MAS1: variants seen among roughly 807,000 people sequenced by gnomAD.
The protein encoded by MAS1 is proto-oncogene Mas.
For missense variants in MAS1, 387 were observed against 409.7 expected, an observed-to-expected ratio of 0.94 and a Z score of 0.48; for synonymous variants, 163 against 164.2, an observed-to-expected ratio of 0.99 and a Z score of 0.05.
rs1001035225 is a variant in MAS1 at position 159,910,850 on chromosome 6, T to G, written c.*2917T>G. The stretch of plus-strand genomic sequence containing the variant: ...CATTTGTCTTGCAGCCTGACCATCA[T>G]AGAGAGATTGGTCCAGATAGGAAGG... On this transcript the variant is annotated 3_prime_UTR_variant, in exon 3 of 3. Coordinates refer to ENST00000674077, the MANE Select transcript of MAS1 (RefSeq NM_002377.4). The G allele has an allele frequency of 6.6e-6, 1 of 152,266 alleles. No individual in the cohort carries two copies. The highest frequency in any genetic ancestry group is 6.5e-5 in the Admixed American group (1 of 15,286). 9.4% of individuals were successfully genotyped at this position (152,266 alleles called of 1,614,324 possible). A position where few individuals can be genotyped will look rare whatever the true frequency, so the allele number is the denominator to read the frequency against.
At position 159,917,256 on chromosome 6, in the gene MAS1, G is replaced by A. The variant is rs1230392362; in HGVS notation, c.*9323G>A. 3.9e-5 allele frequency among the ~76,000 whole-genome samples: 6 copies of A among 152,202 alleles called. No homozygotes were observed. The highest frequency in any genetic ancestry group is 1.4e-4 in the African/African-American group (6 of 41,446). On this transcript the variant is annotated 3_prime_UTR_variant, in exon 3 of 3. Coordinates refer to ENST00000674077, the MANE Select transcript of MAS1 (RefSeq NM_002377.4). Reference sequence around the variant, plus strand: ...GATTGGTGTAAAGTGGAGAAATTCTGTTTTGGATTAATCACAAGGAGATTT... The same window carrying A: ...GATTGGTGTAAAGTGGAGAAATTCTATTTTGGATTAATCACAAGGAGATTT...
chr6:159,902,816 T>C (rs1236579600), intron 2 of MAS1, among the ~76,000 whole-genome samples: 1 of 152,176 alleles, frequency 6.6e-6, no homozygotes, highest in African/African-American at 2.4e-5. Flanking sequence ...ACCCCTGGGC[T>C]GCTGTCCCAA....
At chr6:159,896,995 T>A (rs1428687495) in intron 1 of MAS1, among the ~76,000 whole-genome samples, 1 of 152,156 alleles carries the variant, frequency 6.6e-6, no homozygotes, top group Non-Finnish European at 1.5e-5. Flanking sequence ...TGCCTCAGCC[T>A]CCCAAGCAGC....
chr6:159,906,866 A>G, intron 2 of MAS1, 54 bp from the exon 3 acceptor site: 3 of 1,382,986 alleles, frequency 2.2e-6, no homozygotes, highest in Non-Finnish European at 2.9e-6. Flanking sequence ...TTTTATTCCA[A>G]TTCAACAATT....
At position 159,907,503 on chromosome 6, in the gene MAS1, A is replaced by G. The variant is rs2115118985; in HGVS notation, c.548A>G (p.Asp183Gly). ...DREEESHSRNDCRAVIIFIAI... is the reference protein window; with the variant it reads ...DREEESHSRNGCRAVIIFIAI... ...GAAGAAGAGAGTCACTCTCGGAATG[A>G]CTGCCGAGCAGTCATCATCTTTATA... The change falls in exon 3 of 3, where the codon GAC (aspartate) becomes GGC (glycine). Residue 183 changes from aspartate (D) to glycine (G), a missense_variant. By Grantham distance (94) the Asp-to-Gly change is moderately conservative. Coordinates refer to ENST00000674077, the MANE Select transcript of MAS1 (RefSeq NM_002377.4). 1 of 1,613,996 alleles carries G rather than the reference A, an allele frequency of 6.2e-7. No homozygotes were observed. The highest frequency in any genetic ancestry group is 2.2e-5 in the East Asian group (1 of 44,868).
Position 159,914,966 on chromosome 6 carries a change from G to T in MAS1, c.*7033G>T, listed in dbSNP as rs1484694503. The stretch of plus-strand genomic sequence containing the variant: ...TTGATTGTTTCTCTTACCAGTTCTG[G>T]CTTCTTTCAATTCTGTGGACCTAGG... On this transcript the variant is annotated 3_prime_UTR_variant, in exon 3 of 3. Transcript: ENST00000674077. 2 of 152,248 alleles carry T rather than the reference G, an allele frequency of 1.3e-5. No homozygotes were observed. The highest frequency in any genetic ancestry group is 1.9e-4 in the East Asian group (1 of 5,200). 9.4% of individuals were successfully genotyped at this position (152,248 alleles called of 1,614,324 possible). A position where few individuals can be genotyped will look rare whatever the true frequency, so the allele number is the denominator to read the frequency against.
At chr6:159,893,505 G>C (rs1782723605) in intron 1 of MAS1, among the ~76,000 whole-genome samples, 1 of 152,138 alleles carries the variant, frequency 6.6e-6, no homozygotes, top group African/African-American at 2.4e-5. Flanking sequence ...TTCATAGGTG[G>C]GTTGATCAAA....
chr6:159,897,018 C>G (rs939457440), intron 1 of MAS1, among the ~76,000 whole-genome samples: 1 of 152,208 alleles, frequency 6.6e-6, no homozygotes, highest in Admixed American at 6.5e-5. Flanking sequence ...GGACTACAGG[C>G]GTCCGCCACC....
intron 2 of MAS1, among the ~76,000 whole-genome samples, chr6:159,905,036 A>G (rs189545214): frequency 6.6e-6 from 1 of 151,698 alleles, no homozygotes; most frequent in African/African-American, 2.4e-5. Context: ...GGTCCCTGCC[A>G]CTCCTTTCCT....
intron 1 of MAS1, among the ~76,000 whole-genome samples, chr6:159,898,676 CTCCTCCTCCCTCTTCCTCCTCCTTCA>C (rs1782789139): frequency 1.8e-4 from 2 of 10,938 alleles, no homozygotes; most frequent in African/African-American, 2.9e-4. Context: ...CTTCCTCTTC[CTCCTCCTCCCTCTTCCTCCTCCTTCA>C]TCCTCCTCCC....
intron 2 of MAS1, among the ~76,000 whole-genome samples, chr6:159,903,928 C>A (rs1222381855): frequency 1.3e-5 from 2 of 152,200 alleles, no homozygotes; most frequent in Non-Finnish European, 2.9e-5. Context: ...GTCCAGTCTA[C>A]TGAAAATACT....
At position 159,913,310 on chromosome 6, in the gene MAS1, C is replaced by G. The variant is rs1219580363; in HGVS notation, c.*5377C>G. 6.6e-6 allele frequency: 1 copy of G among 152,308 alleles called. No homozygotes were observed. Among genetic ancestry groups the G allele is most frequent in the East Asian group, 1.9e-4 (1 of 5,204 alleles). The allele number at this position is 152,308 out of a possible 1,614,324, so 9.4% of individuals were successfully genotyped here. On this transcript the variant is annotated 3_prime_UTR_variant, in exon 3 of 3. Coordinates refer to ENST00000674077, the MANE Select transcript of MAS1 (RefSeq NM_002377.4). The stretch of plus-strand genomic sequence containing the variant: ...CCTGGGAGGCGGAGGTTGCAGTAAG[C>G]TGAGATCGCACCACTGCTCTCCAGC...
upstream of MAS1, among the ~76,000 whole-genome samples, chr6:159,889,991 C>T (rs552100781): frequency 2.6e-5 from 4 of 152,270 alleles, no homozygotes; most frequent in South Asian, 6.2e-4. Flanking sequence ...GCCTTCTTAC[C>T]CCTTTTGATA....
chr6:159,913,410 A>G lies in MAS1; in HGVS notation c.*5477A>G, dbSNP rs1051940716. 1 of 152,144 alleles carries G rather than the reference A, an allele frequency of 6.6e-6. No homozygotes were observed. The highest frequency in any genetic ancestry group is 6.5e-5 in the Admixed American group (1 of 15,274). 9.4% of individuals were successfully genotyped at this position (152,144 alleles called of 1,614,324 possible). ...AAAAATTAAGTACTTTTGTGGCTTA[A>G]AAGAACAATGTATTGTCATTTCTCA... On this transcript the variant is annotated 3_prime_UTR_variant, in exon 3 of 3. Coordinates refer to ENST00000674077, the MANE Select transcript of MAS1 (RefSeq NM_002377.4).
chr6:159,900,139 C>T (rs953725906), intron 2 of MAS1, among the ~76,000 whole-genome samples: 1 of 152,186 alleles, frequency 6.6e-6, no homozygotes, highest in African/African-American at 2.4e-5. Flanking sequence ...AGAAGTTACC[C>T]TACTGATTCA....
chr6:159,892,482 C>A (rs931329610), intron 1 of MAS1, among the ~76,000 whole-genome samples: 29 of 152,116 alleles, frequency 1.9e-4, no homozygotes, highest in African/African-American at 6.5e-4. Flanking sequence ...CTCTTTCTTT[C>A]TTCTAAGAGT....
intron 2 of MAS1, among the ~76,000 whole-genome samples, chr6:159,901,197 A>G (rs967355787): frequency 2.0e-5 from 3 of 152,180 alleles, no homozygotes; most frequent in African/African-American, 7.2e-5. Flanking sequence ...GACCTTATTT[A>G]GCCATAATTA....
chr6:159,914,597 C>T lies in MAS1; in HGVS notation c.*6664C>T, dbSNP rs916989133. 1.5e-4 allele frequency: 23 copies of T among 152,312 alleles called. No individual in the cohort carries two copies. The highest frequency in any genetic ancestry group is 4.1e-4 in the African/African-American group (17 of 41,540). The allele number at this position is 152,312 out of a possible 1,614,324, so 9.4% of individuals were successfully genotyped here. ...GAGGGCTCTCGAGTATACCTAGGCT[C>T]GTGGAAAATGCAGCCAGGGATTTGG... On this transcript the variant is annotated 3_prime_UTR_variant, in exon 3 of 3. Coordinates refer to ENST00000674077, the MANE Select transcript of MAS1 (RefSeq NM_002377.4).
At chr6:159,895,539 T>C (rs1782745849) in intron 1 of MAS1, among the ~76,000 whole-genome samples, 1 of 152,252 alleles carries the variant, frequency 6.6e-6, no homozygotes, top group Non-Finnish European at 1.5e-5. Flanking sequence ...TTACAAATGT[T>C]TCTTGCAGTT....
Sources: allele counts gnomAD v4.1 joint callset (sites outside exome capture counted in the v4.1 genomes callset), GRCh38; gene constraint gnomAD v4.1.1; transcripts MANE v1.5; gene names NCBI Gene and HGNC (gene_info 2026-07-23, HGNC 2026-07-21).